The following PHLDB2 variants were observed in gnomAD, a reference collection of about 807,000 sequenced individuals.
PHLDB2 encodes pleckstrin homology-like domain family B member 2.
PHLDB2 carries 71 observed loss-of-function variants against 123.6 expected under a neutral mutation model. The ratio of observed to expected loss-of-function variants is 0.57; its 90% CI spans 0.47 to 0.70. The LOEUF (loss-of-function observed/expected upper bound fraction) is 0.70, where lower values mean the gene tolerates loss of function less well. Among genes scored for constraint, PHLDB2 ranks in the 30% least tolerant of loss-of-function variants. The pLI, the probability that PHLDB2 is intolerant of heterozygous loss-of-function variation, is 0.00. For missense variants in PHLDB2, 1,446 were observed against 1,519.5 expected (o/e 0.95, Z 0.80); for synonymous variants, 547 against 541.6 (o/e 1.01, Z -0.14).
At chr3:111,860,977 A>G (rs1018832438) in intron 1 of PHLDB2, among the ~76,000 whole-genome samples, 1 of 152,116 alleles carries the variant, frequency 6.6e-6, no homozygotes, top group African/African-American at 2.4e-5. Flanking sequence ...TAAGCTTCCT[A>G]GTTTGGTTTA....
chr3:111,960,139 TA>T, intron 12 of PHLDB2: 1 of 849,562 alleles, frequency 1.2e-6, no homozygotes, highest in Non-Finnish European at 1.4e-6. Flanking sequence ...GGAAACAACT[TA>T]AAAGGAGCAA....
intron 1 of PHLDB2, among the ~76,000 whole-genome samples, chr3:111,787,305 T>G (rs1054472441): frequency 2.6e-4 from 40 of 152,244 alleles, no homozygotes; most frequent in African/African-American, 9.4e-4. Flanking sequence ...AATTTGCCAT[T>G]TGGGAGTATT....
chr3:111,964,621 C>T (rs1009805672), intron 13 of PHLDB2, among the ~76,000 whole-genome samples: 4 of 151,894 alleles, frequency 2.6e-5, no homozygotes, highest in South Asian at 2.1e-4. Context: ...GGATTACAGG[C>T]GTGAGCCACG....
intron 1 of PHLDB2, among the ~76,000 whole-genome samples, chr3:111,830,971 AAG>A (rs1443544870): frequency 2.6e-5 from 1 of 38,080 alleles, no homozygotes; most frequent in African/African-American, 1.6e-4. Context: ...GAAAGAAAGA[AAG>A]AAAGAAAGAA....
intron 1 of PHLDB2, among the ~76,000 whole-genome samples, chr3:111,790,539 G>A (rs1271268771): frequency 6.6e-6 from 1 of 152,228 alleles, no homozygotes; most frequent in African/African-American, 2.4e-5. Context: ...TCAGGAGCCA[G>A]ACTATGACAG....
intron 2 of PHLDB2, among the ~76,000 whole-genome samples, chr3:111,901,535 AG>A (rs2067205957): frequency 6.8e-6 from 1 of 147,754 alleles, no homozygotes. Context: ...TATTTTTTAA[AG>A]GATAGGATAT....
intron 1 of PHLDB2, among the ~76,000 whole-genome samples, chr3:111,741,280 C>G (rs2059599948): frequency 6.6e-6 from 1 of 152,200 alleles, no homozygotes; most frequent in Non-Finnish European, 1.5e-5. Flanking sequence ...CCCATCTGTG[C>G]CCGAGCACCT....
At chr3:111,821,122 T>G (rs1459813807) in intron 1 of PHLDB2, among the ~76,000 whole-genome samples, 1 of 152,142 alleles carries the variant, frequency 6.6e-6, no homozygotes, top group African/African-American at 2.4e-5. Context: ...GAGTATCCAG[T>G]GTAAGTCTTA....
At chr3:111,948,264 T>C (rs940193317) in intron 9 of PHLDB2, among the ~76,000 whole-genome samples, 11 of 151,842 alleles carry the variant, frequency 7.2e-5, no homozygotes, top group African/African-American at 1.5e-4. Flanking sequence ...TGTGTGTGTG[T>C]GCATGTGTGT....
chr3:111,851,678 T>C (rs17490346), intron 2 of PHLDB2, among the ~76,000 whole-genome samples: 22,586 of 152,122 alleles, frequency 0.15, 1,879 homozygotes, highest in Admixed American at 0.18. Context: ...ACTTCCTACA[T>C]AGCCGCTGGC....
chr3:111,771,744 C>G (rs1379885724), intron 1 of PHLDB2, among the ~76,000 whole-genome samples: 1 of 152,132 alleles, frequency 6.6e-6, no homozygotes, highest in African/African-American at 2.4e-5. Flanking sequence ...TAGAGTCTAC[C>G]CTCATGACTT....
At chr3:111,811,343 A>G (rs1467307498) in intron 1 of PHLDB2, among the ~76,000 whole-genome samples, 2 of 152,144 alleles carry the variant, frequency 1.3e-5, no homozygotes, top group African/African-American at 4.8e-5. Context: ...TAAAAAATGT[A>G]TTCTACTGTG....
chr3:111,867,083 G>A (rs1027361183), intron 1 of PHLDB2, among the ~76,000 whole-genome samples: 2 of 151,932 alleles, frequency 1.3e-5, no homozygotes, highest in Admixed American at 6.6e-5. Flanking sequence ...CCCACATAAC[G>A]TTATCTTGCA....
intron 1 of PHLDB2, among the ~76,000 whole-genome samples, chr3:111,787,918 A>T (rs1402882493): frequency 6.6e-6 from 1 of 152,224 alleles, no homozygotes; most frequent in East Asian, 1.9e-4. Context: ...GCCAAAATAA[A>T]CATTAGAGAA....
intron 2 of PHLDB2, among the ~76,000 whole-genome samples, chr3:111,850,007 G>A (rs1001235389): frequency 7.9e-5 from 12 of 151,918 alleles, no homozygotes; most frequent in African/African-American, 2.2e-4. Context: ...GACTACAGGC[G>A]CCCACCACCA....
At chr3:111,806,034 A>C (rs2061571789) in intron 1 of PHLDB2, among the ~76,000 whole-genome samples, 1 of 143,224 alleles carries the variant, frequency 7.0e-6, no homozygotes, top group Non-Finnish European at 1.5e-5. Flanking sequence ...ACATAAAAAA[A>C]CAGGTCAAAA....
intron 1 of PHLDB2, among the ~76,000 whole-genome samples, chr3:111,834,176 T>G: frequency 1.2e-5 from 1 of 83,666 alleles, no homozygotes; most frequent in Non-Finnish European, 2.4e-5. Context: ...GTAATAGAAT[T>G]ATATATATTA....
intron 1 of PHLDB2, among the ~76,000 whole-genome samples, chr3:111,830,955 G>GAGAGAGAGAGAGAAAGAAAGAAAGAA (rs1553736315): frequency 6.3e-5 from 4 of 63,704 alleles, no homozygotes; most frequent in Non-Finnish European, 1.1e-4. Context: ...AAGAAAGAAA[G>GAGAGAGAGAGAGAAAGAAAGAAAGAA]AGAAAGAAAG....
chr3:111,906,074 T>TA (rs1476992475), intron 2 of PHLDB2, among the ~76,000 whole-genome samples: 3 of 152,248 alleles, frequency 2.0e-5, no homozygotes, highest in Admixed American at 2.0e-4. Context: ...CACAAGTACT[T>TA]ACCATGGTGT....
Sources: allele counts gnomAD v4.1 joint callset (sites outside exome capture counted in the v4.1 genomes callset), GRCh38; gene constraint gnomAD v4.1.1; transcripts MANE v1.5; gene names NCBI Gene and HGNC (gene_info 2026-07-23, HGNC 2026-07-21).